The following LRP12 variants were observed in gnomAD, a reference collection of about 807,000 sequenced individuals.
LRP12 encodes the protein LDL receptor related protein 12, also known as low-density lipoprotein receptor-related protein 12.
In LRP12, 14 loss-of-function variants were observed where a neutral mutation model predicts 66.0. The observed-to-expected ratio is 0.21, with a 90% confidence interval of 0.14 to 0.33. The LOEUF (loss-of-function observed/expected upper bound fraction) is 0.33, where lower values mean the gene tolerates loss of function less well. Ranked by LOEUF, LRP12 falls within the 10% of genes least tolerant of loss-of-function variation. The pLI, the probability that LRP12 is intolerant of heterozygous loss-of-function variation, is 1.00. For synonymous variants in LRP12, 357 were observed against 359.1 expected, an observed-to-expected ratio of 0.99 and a Z score of 0.07; for missense variants, 889 against 1,053.4, an observed-to-expected ratio of 0.84 and a Z score of 2.16.
intron 1 of LRP12, among the ~76,000 whole-genome samples, chr8:104,578,646 T>C (rs6992140): frequency 0.031 from 4,670 of 152,074 alleles, 237 homozygotes; most frequent in African/African-American, 0.11. Context: ...ATCAGGCCAA[T>C]ATTCTTCATG....
At chr8:104,585,920 G>A (rs559120931) in intron 1 of LRP12, among the ~76,000 whole-genome samples, 1 of 152,324 alleles carries the variant, frequency 6.6e-6, no homozygotes, top group Non-Finnish European at 1.5e-5. Flanking sequence ...AACTCCCATA[G>A]ATTTGTAAAA....
chr8:104,552,937 G>C (rs1416808298), intron 1 of LRP12, among the ~76,000 whole-genome samples: 1 of 152,206 alleles, frequency 6.6e-6, no homozygotes, highest in Admixed American at 6.5e-5. Context: ...TGTGAGGGGG[G>C]AACGTTTGCC....
chr8:104,572,997 C>A (rs999430940), intron 1 of LRP12, among the ~76,000 whole-genome samples: 22 of 152,180 alleles, frequency 1.4e-4, no homozygotes, highest in African/African-American at 5.1e-4. Flanking sequence ...GATTCTTATT[C>A]TTACGTAGTA....
At chr8:104,519,221 T>C (rs1811114217) in intron 2 of LRP12, among the ~76,000 whole-genome samples, 1 of 152,076 alleles carries the variant, frequency 6.6e-6, no homozygotes, top group Non-Finnish European at 1.5e-5. Context: ...CCTTGGCACC[T>C]GAGCCAAGCT....
chr8:104,548,668 A>ATT (rs1811678553), intron 1 of LRP12, among the ~76,000 whole-genome samples: 2 of 146,516 alleles, frequency 1.4e-5, no homozygotes, highest in African/African-American at 2.5e-5. Context: ...TTATATAATT[A>ATT]ATATGGGTGC....
chr8:104,519,842 T>C (rs982338811), intron 2 of LRP12, among the ~76,000 whole-genome samples: 7 of 152,058 alleles, frequency 4.6e-5, no homozygotes, highest in Admixed American at 3.3e-4. Flanking sequence ...TATTTAAGAC[T>C]GAATACAGCA....
chr8:104,571,855 C>T (rs1812084755), intron 1 of LRP12, among the ~76,000 whole-genome samples: 1 of 152,230 alleles, frequency 6.6e-6, no homozygotes, highest in Admixed American at 6.5e-5. Flanking sequence ...ACACCATCCT[C>T]CCTTCCCACC....
At position 104,588,968 on chromosome 8, in the gene LRP12, CG is replaced by C; in HGVS notation, c.-72del. 1 of 570,856 alleles carries C rather than the reference CG, an allele frequency of 1.8e-6. No individual in the cohort carries two copies. The highest frequency in any genetic ancestry group is 2.4e-6 in the Non-Finnish European group (1 of 418,386). The allele number at this position is 570,856 out of a possible 1,614,324, so 35.4% of individuals were successfully genotyped here. A position where few individuals can be genotyped will look rare whatever the true frequency, so the allele number is the denominator to read the frequency against. On this transcript the variant is annotated 5_prime_UTR_variant, in exon 1 of 7. Transcript: ENST00000276654. ...AGGAGAAGCTGGAGGTAGACGACGC[CG>C]ACGCCGCCGCCGCCGCCGCCGCCGC...
Position 104,588,952 on chromosome 8 carries a change from T to A in LRP12, c.-55A>T, listed in dbSNP as rs1812384223. The A allele has an allele frequency of 1.5e-6, 2 of 1,295,406 alleles. No homozygotes were observed. Among genetic ancestry groups the A allele is most frequent in the African/African-American group, 3.3e-5 (2 of 59,932 alleles). The allele number at this position is 1,295,406 out of a possible 1,614,324, so 80.2% of individuals were successfully genotyped here. A position where few individuals can be genotyped will look rare whatever the true frequency, so the allele number is the denominator to read the frequency against. On this transcript the variant is annotated 5_prime_UTR_variant, in exon 1 of 7. Coordinates refer to ENST00000276654, the MANE Select transcript of LRP12 (RefSeq NM_013437.5). ...AGACGGAGGAGGAGGGAGGAGAAGC[T>A]GGAGGTAGACGACGCCGACGCCGCC...
chr8:104,554,655 CGGTGT>C (rs1420102190), intron 1 of LRP12, among the ~76,000 whole-genome samples: 1 of 151,772 alleles, frequency 6.6e-6, no homozygotes, highest in Non-Finnish European at 1.5e-5. Flanking sequence ...TAAGGATAAT[CGGTGT>C]TCCTGAGGAA....
At chr8:104,571,616 C>T (rs901211460) in intron 1 of LRP12, among the ~76,000 whole-genome samples, 3 of 152,170 alleles carry the variant, frequency 2.0e-5, no homozygotes, top group African/African-American at 7.2e-5. Context: ...CTGAGGCCTC[C>T]CCAGCCATGC....
At chr8:104,556,723 C>G (rs1811815178) in intron 1 of LRP12, among the ~76,000 whole-genome samples, 1 of 152,122 alleles carries the variant, frequency 6.6e-6, no homozygotes, top group African/African-American at 2.4e-5. Flanking sequence ...TAACACTATT[C>G]CAAAGATAGA....
chr8:104,582,443 A>T (rs1812267358), intron 1 of LRP12, among the ~76,000 whole-genome samples: 1 of 152,210 alleles, frequency 6.6e-6, no homozygotes. Flanking sequence ...ATCTTTTAAT[A>T]CATTCTTGCC....
intron 1 of LRP12, among the ~76,000 whole-genome samples, chr8:104,541,306 C>T (rs568577096): frequency 6.6e-6 from 1 of 152,288 alleles, no homozygotes; most frequent in African/African-American, 2.4e-5. Context: ...AAATCACCTT[C>T]TCTATTCTAA....
At chr8:104,535,202 C>T (rs1456638635) in intron 1 of LRP12, among the ~76,000 whole-genome samples, 3 of 151,882 alleles carry the variant, frequency 2.0e-5, no homozygotes, top group African/African-American at 4.8e-5. Context: ...TCTCACTAAA[C>T]ACCAAGAAGT....
At chr8:104,572,732 CTT>C (rs1429552641) in intron 1 of LRP12, among the ~76,000 whole-genome samples, 2 of 151,864 alleles carry the variant, frequency 1.3e-5, no homozygotes, top group South Asian at 2.1e-4. Flanking sequence ...GAACATATAA[CTT>C]AATATAAATT....
Position 104,588,961 on chromosome 8 carries a change from ACGACGCCGACGCCGCCGCCGCCGC to A in LRP12, c.-88_-65del, listed in dbSNP as rs1244218090. 2 of 963,692 alleles carry A rather than the reference ACGACGCCGACGCCGCCGCCGCCGC, an allele frequency of 2.1e-6. No homozygotes were observed. Among genetic ancestry groups the A allele is most frequent in the African/African-American group, 8.0e-5 (2 of 25,020 alleles). The allele number at this position is 963,692 out of a possible 1,614,324, so 59.7% of individuals were successfully genotyped here. The stretch of plus-strand genomic sequence containing the variant: ...AGGAGGGAGGAGAAGCTGGAGGTAG[ACGACGCCGACGCCGCCGCCGCCGC>A]CGCCGCCGCCGCCGAGCCACCGGCT... On this transcript the variant is annotated 5_prime_UTR_variant, in exon 1 of 7. Coordinates refer to ENST00000276654, the MANE Select transcript of LRP12 (RefSeq NM_013437.5).
intron 5 of LRP12, chr8:104,495,557 G>C (rs534105323): frequency 6.0e-6 from 1 of 165,862 alleles, no homozygotes; most frequent in Admixed American, 6.2e-5. Context: ...GCGCCCAGCT[G>C]GGATCTTTGA....
intron 2 of LRP12, among the ~76,000 whole-genome samples, chr8:104,527,890 C>T (rs981051352): frequency 3.2e-4 from 48 of 152,196 alleles, no homozygotes; most frequent in African/African-American, 1.1e-3. Context: ...TTTACTTCTG[C>T]TATTAAGTGA....
Sources: allele counts gnomAD v4.1 joint callset (sites outside exome capture counted in the v4.1 genomes callset), GRCh38; gene constraint gnomAD v4.1.1; transcripts MANE v1.5; gene names NCBI Gene and HGNC (gene_info 2026-07-23, HGNC 2026-07-21).